LIPA: variants seen among roughly 807,000 people sequenced by gnomAD.
LIPA encodes the protein lipase A, lysosomal acid type, also known as lysosomal acid lipase/cholesteryl ester hydrolase.
In LIPA, 26 loss-of-function variants were observed where a neutral mutation model predicts 40.6. The ratio of observed to expected loss-of-function variants is 0.64; its 90% CI spans 0.47 to 0.89. The LOEUF is 0.89. Among genes scored for constraint, LIPA ranks in the 40% least tolerant of loss-of-function variants. LIPA has a pLI of 0.00. For missense variants in LIPA, 455 were observed against 479.6 expected, an observed-to-expected ratio of 0.95 and a Z score of 0.48; for synonymous variants, 188 against 168.4, an observed-to-expected ratio of 1.12 and a Z score of -0.90.
At chr10:89,388,399 C>A (rs1844223807) in intron 2 of LIPA, among the ~76,000 whole-genome samples, 1 of 152,102 alleles carries the variant, frequency 6.6e-6, no homozygotes. Flanking sequence ...AATCACCGCG[C>A]CTGGCCGAAA....
At chr10:89,266,309 G>T (rs1843236229) in intron 1 of LIPA, among the ~76,000 whole-genome samples, 1 of 140,358 alleles carries the variant, frequency 7.1e-6, no homozygotes, top group African/African-American at 2.8e-5. Context: ...ATTAATGTAA[G>T]AAAATGACTG....
chr10:89,271,475 G>A (rs1312304611), intron 1 of LIPA, among the ~76,000 whole-genome samples: 1 of 152,206 alleles, frequency 6.6e-6, no homozygotes, highest in Admixed American at 6.5e-5. Flanking sequence ...CTTAAAAAAG[G>A]TGATTATTGT....
chr10:89,332,050 G>A (rs1843658134), intron 1 of LIPA, among the ~76,000 whole-genome samples: 1 of 152,018 alleles, frequency 6.6e-6, no homozygotes, highest in Non-Finnish European at 1.5e-5. Flanking sequence ...GACCAACATG[G>A]TGAAACCCCG....
At chr10:89,356,285 C>G (rs1006115678) in intron 2 of LIPA, among the ~76,000 whole-genome samples, 2 of 152,144 alleles carry the variant, frequency 1.3e-5, no homozygotes, top group East Asian at 3.9e-4. Context: ...TCCAGCACCT[C>G]AATGTGTTCA....
chr10:89,249,509 C>CTTTA lies in LIPA; in HGVS notation c.-1-1864_-1-1861dup, dbSNP rs1564766746. The stretch of plus-strand genomic sequence containing the variant: ...GACAAAAACTGGAAAAACCCAAATG[C>CTTTA]TTTAAATGGATGATTGGATAAATTA... On this transcript the variant is annotated intron_variant, in intron 1 of 9. Transcript: ENST00000336233. Among the ~76,000 whole-genome samples, 6 of 152,218 alleles carry CTTTA rather than the reference C, an allele frequency of 3.9e-5. No individual in the cohort carries two copies. In the South Asian group the frequency reaches 1.2e-3, roughly 32 times the overall value.
chr10:89,348,108 C>A (rs1484552815), intron 2 of LIPA, among the ~76,000 whole-genome samples: 1 of 152,172 alleles, frequency 6.6e-6, no homozygotes, highest in Non-Finnish European at 1.5e-5. Context: ...AGAGTGGATC[C>A]CCACCTCCAA....
chr10:89,407,314 G>A (rs764711279), intron 2 of LIPA, among the ~76,000 whole-genome samples: 1 of 152,032 alleles, frequency 6.6e-6, no homozygotes, highest in Non-Finnish European at 1.5e-5. Flanking sequence ...TCTCTTCTCC[G>A]AGGCTAGTCC....
upstream of LIPA, among the ~76,000 whole-genome samples, chr10:89,343,506 T>C (rs545517651): frequency 3.3e-5 from 5 of 152,294 alleles, no homozygotes; most frequent in African/African-American, 1.2e-4. Flanking sequence ...GTTTCCATGG[T>C]TCACTCCAGG....
intron 2 of LIPA, among the ~76,000 whole-genome samples, chr10:89,358,748 G>A (rs530127842): frequency 2.0e-5 from 3 of 152,250 alleles, no homozygotes; most frequent in African/African-American, 4.8e-5. Context: ...CATAGAGAGT[G>A]GAATGTTGGT....
At chr10:89,306,032 G>A (rs942298389) in intron 1 of LIPA, 1 of 1,613,974 alleles carries the variant, frequency 6.2e-7, no homozygotes, top group African/African-American at 1.3e-5. Context: ...GAACTTGATG[G>A]AGGGAGAAAA....
At chr10:89,261,491 C>T (rs1318533103) in intron 1 of LIPA, among the ~76,000 whole-genome samples, 2 of 151,208 alleles carry the variant, frequency 1.3e-5, no homozygotes, top group African/African-American at 4.9e-5. Context: ...GGTGACAGAG[C>T]GAGACTCTGT....
rs576492675 is a variant in LIPA, at chr10:89,264,808, C to G, written c.-1-17159G>C. Among the ~76,000 whole-genome samples the G allele has an allele frequency of 4.9e-4, 75 of 152,344 alleles. 1 individual carries two copies. In the South Asian group the frequency reaches 0.015, roughly 31 times the overall value. ...CCACCTGGAACTGATAGGTTGGCCC[C>G]CAGGCTTCAGGCCCTCCCTGGCTTC... On this transcript the variant is annotated intron_variant, in intron 1 of 5. Transcript: ENST00000282673.
chr10:89,387,576 G>C (rs181127947), intron 2 of LIPA, among the ~76,000 whole-genome samples: 1 of 152,258 alleles, frequency 6.6e-6, no homozygotes, highest in Non-Finnish European at 1.5e-5. Flanking sequence ...TTACCAATAA[G>C]AAAGAGAGGA....
At chr10:89,399,034 T>C (rs1388372942) in intron 2 of LIPA, among the ~76,000 whole-genome samples, 1 of 133,940 alleles carries the variant, frequency 7.5e-6, no homozygotes, top group South Asian at 2.6e-4. Flanking sequence ...ATAATTGTTA[T>C]ATCCTGCTTT....
intron 1 of LIPA, among the ~76,000 whole-genome samples, chr10:89,279,623 T>A (rs994561548): frequency 3.3e-5 from 5 of 152,106 alleles, no homozygotes; most frequent in Non-Finnish European, 7.4e-5. Context: ...GATAGAAAAA[T>A]TCATTCATTT....
rs540984129 is a variant in LIPA, at chr10:89,379,141, T to G, written c.61+33650A>C. Among the ~76,000 whole-genome samples, 26 of 152,366 alleles carry G rather than the reference T, an allele frequency of 1.7e-4. 1 individual carries two copies. The South Asian group carries it at 5.4e-3, about 32-fold the overall frequency. On this transcript the variant is annotated intron_variant, in intron 2 of 8. Transcript: ENST00000371837. ...CTGTTTTTCTGTTGTTTGTTTGTTT[T>G]TGATACCAAGTCAAATTTTGTGATT... is the stretch of plus-strand genomic sequence containing the variant.
chr10:89,311,023 A>G (rs1843512594), intron 1 of LIPA, among the ~76,000 whole-genome samples: 1 of 152,232 alleles, frequency 6.6e-6, no homozygotes, highest in South Asian at 2.1e-4. Flanking sequence ...GTTTATACAG[A>G]TATAATCTAA....
chr10:89,298,131 G>C (rs1589592845), intron 1 of LIPA, among the ~76,000 whole-genome samples: 1 of 152,182 alleles, frequency 6.6e-6, no homozygotes, highest in African/African-American at 2.4e-5. Context: ...CACATCAGCT[G>C]CCCAGGGACT....
intron 1 of LIPA, among the ~76,000 whole-genome samples, chr10:89,274,860 A>T (rs1371618012): frequency 6.6e-6 from 1 of 152,146 alleles, no homozygotes; most frequent in Non-Finnish European, 1.5e-5. Flanking sequence ...TAATTTGTTG[A>T]TGCTGCTGCA....
Sources: allele counts gnomAD v4.1 joint callset (sites outside exome capture counted in the v4.1 genomes callset), GRCh38; gene constraint gnomAD v4.1.1; transcripts MANE v1.5; gene names NCBI Gene and HGNC (gene_info 2026-07-23, HGNC 2026-07-21).